Variants in SAMSN1 observed in about 807,000 individuals in gnomAD.
SAMSN1 encodes the protein SAM domain, SH3 domain and nuclear localization signals 1.
In SAMSN1, 31 loss-of-function variants were observed where a neutral mutation model predicts 42.0. That is an observed-to-expected ratio of 0.74 (90% CI 0.55 to 1.00). The LOEUF (loss-of-function observed/expected upper bound fraction) is 1.00. Among genes scored for constraint, SAMSN1 ranks in the 50% least tolerant of loss-of-function variants. The pLI, the probability that SAMSN1 is intolerant of heterozygous loss-of-function variation, is 0.00. For missense variants in SAMSN1, 464 were observed against 439.4 expected, an observed-to-expected ratio of 1.06 and a Z score of -0.50; for synonymous variants, 178 against 151.9, an observed-to-expected ratio of 1.17 and a Z score of -1.26.
chr21:14,489,969 C>T (rs893881814), intron 7 of SAMSN1, among the ~76,000 whole-genome samples: 1 of 152,070 alleles, frequency 6.6e-6, no homozygotes, highest in Non-Finnish European at 1.5e-5. Context: ...GGAAATAAAA[C>T]TGGATCCTTA....
chr21:14,641,330 A>C (rs1026737229), intron 2 of SAMSN1, among the ~76,000 whole-genome samples: 1 of 152,108 alleles, frequency 6.6e-6, no homozygotes, highest in Non-Finnish European at 1.5e-5. Flanking sequence ...TTGCTTTCTA[A>C]TTGCTCCAAG....
chr21:14,645,319 G>C (rs1335150259), intron 1 of SAMSN1, among the ~76,000 whole-genome samples: 1 of 152,210 alleles, frequency 6.6e-6, no homozygotes, highest in Non-Finnish European at 1.5e-5. Flanking sequence ...ATAACACAGA[G>C]AGAGACTCTG....
chr21:14,638,607 C>T (rs902752920), intron 2 of SAMSN1, among the ~76,000 whole-genome samples: 1 of 152,170 alleles, frequency 6.6e-6, no homozygotes, highest in Non-Finnish European at 1.5e-5. Flanking sequence ...CAATTACGGG[C>T]TGCCTAAGGC....
intron 1 of SAMSN1, among the ~76,000 whole-genome samples, chr21:14,657,575 A>G (rs1983937263): frequency 6.6e-6 from 1 of 151,888 alleles, no homozygotes; most frequent in Non-Finnish European, 1.5e-5. Context: ...TCAGAAAGCA[A>G]TCGTCTTTGG....
At chr21:14,579,452 A>G (rs780903173) in intron 2 of SAMSN1, among the ~76,000 whole-genome samples, 6 of 152,178 alleles carry the variant, frequency 3.9e-5, no homozygotes, top group Non-Finnish European at 7.3e-5. Flanking sequence ...TTTATCTATA[A>G]CTGGATTTAT....
intron 1 of SAMSN1, among the ~76,000 whole-genome samples, chr21:14,648,399 A>C (rs1360870158): frequency 6.6e-6 from 1 of 152,192 alleles, no homozygotes; most frequent in Admixed American, 6.5e-5. Context: ...CAATGGCAAC[A>C]AAAGCCAAAA....
At chr21:14,575,048 C>G (rs1336111260) in intron 2 of SAMSN1, among the ~76,000 whole-genome samples, 2 of 152,090 alleles carry the variant, frequency 1.3e-5, no homozygotes, top group Non-Finnish European at 2.9e-5. Context: ...CACGTAAACT[C>G]TCTTGTCCAC....
intron 6 of SAMSN1, among the ~76,000 whole-genome samples, chr21:14,499,038 A>T (rs530442235): frequency 4.6e-5 from 7 of 152,324 alleles, no homozygotes; most frequent in African/African-American, 1.4e-4. Context: ...CTACTCTCAA[A>T]ACATTCTTGG....
intron 7 of SAMSN1, among the ~76,000 whole-genome samples, chr21:14,494,172 A>C (rs755138445): frequency 1.3e-5 from 2 of 152,220 alleles, no homozygotes; most frequent in Non-Finnish European, 1.5e-5. Context: ...CAGATCTAGA[A>C]CCAGAAATAC....
At chr21:14,542,008 G>A in intron 1 of SAMSN1, among the ~76,000 whole-genome samples, 1 of 151,216 alleles carries the variant, frequency 6.6e-6, no homozygotes, top group African/African-American at 2.4e-5. Context: ...AAGGAAGGAA[G>A]GAAGGAGAAA....
At chr21:14,492,209 TTTGA>T (rs536226295) in intron 7 of SAMSN1, among the ~76,000 whole-genome samples, 366 of 152,330 alleles carry the variant, frequency 2.4e-3, no homozygotes, top group East Asian at 9.2e-3. Context: ...TATTTTAAAC[TTTGA>T]TTGTGTTTCA....
At chr21:14,658,855 G>T, upstream of SAMSN1, 1 of 708,990 alleles carries the variant, frequency 1.4e-6, no homozygotes, top group South Asian at 1.5e-5. Flanking sequence ...ACAGCTGTTT[G>T]GCCAGTTCTC....
At chr21:14,566,792 C>A (rs1981133813) in intron 2 of SAMSN1, among the ~76,000 whole-genome samples, 1 of 152,082 alleles carries the variant, frequency 6.6e-6, no homozygotes, top group Non-Finnish European at 1.5e-5. Context: ...CCCACCTCGG[C>A]CTCCCAAAGT....
chr21:14,511,535 G>A (rs1987688704), intron 4 of SAMSN1, among the ~76,000 whole-genome samples: 1 of 152,120 alleles, frequency 6.6e-6, no homozygotes, highest in African/African-American at 2.4e-5. Context: ...ACAGCCAATA[G>A]GAAAATAGGA....
At chr21:14,515,578 G>T (rs554778716) in intron 3 of SAMSN1, among the ~76,000 whole-genome samples, 2 of 152,206 alleles carry the variant, frequency 1.3e-5, no homozygotes, top group Non-Finnish European at 2.9e-5. Flanking sequence ...CATTACATTA[G>T]ATTAGACAAT....
intron 3 of SAMSN1, among the ~76,000 whole-genome samples, chr21:14,514,196 T>C (rs1288230461): frequency 1.3e-5 from 2 of 152,194 alleles, no homozygotes; most frequent in East Asian, 1.9e-4. Flanking sequence ...TATGAGACTC[T>C]CTCTACCTGA....
At chr21:14,593,795 C>T in intron 7 of SAMSN1, 1 of 351,388 alleles carries the variant, frequency 2.8e-6, no homozygotes, top group East Asian at 4.2e-5. Context: ...ATATAACAAC[C>T]TTTCCTTCTT....
upstream of SAMSN1, among the ~76,000 whole-genome samples, chr21:14,587,326 C>T (rs1981947884): frequency 6.6e-6 from 1 of 152,132 alleles, no homozygotes; most frequent in African/African-American, 2.4e-5. Context: ...CTACCATTCC[C>T]TTTTAATTGT....
chr21:14,603,226 C>T (rs1191795356), intron 5 of SAMSN1, among the ~76,000 whole-genome samples: 1 of 152,028 alleles, frequency 6.6e-6, no homozygotes, highest in Non-Finnish European at 1.5e-5. Flanking sequence ...TTTTAGTCAC[C>T]TTTTTACAGG....
Sources: gnomAD v4.1 joint callset for allele counts (sites outside exome capture counted in the v4.1 genomes callset) on GRCh38, gnomAD v4.1.1 for gene constraint, MANE v1.5 for transcripts, NCBI Gene and HGNC (gene_info 2026-07-23, HGNC 2026-07-21) for gene names.